The following LAMA2 variants were observed in gnomAD, a reference collection of about 807,000 sequenced individuals.
LAMA2 encodes the protein laminin subunit alpha 2, also known as laminin subunit alpha-2.
LAMA2 carries 269 observed loss-of-function variants against 364.8 expected under a neutral mutation model. The observed-to-expected ratio is 0.74, with a 90% CI of 0.67 to 0.82. LAMA2 has a LOEUF of 0.82. Among genes scored for constraint, LAMA2 ranks in the 40% least tolerant of loss-of-function variants. LAMA2 has a pLI of 0.00. For synonymous variants in LAMA2, 1,379 were observed against 1,370.6 expected (o/e 1.01, Z -0.14); for missense variants, 3,807 against 3,873.2 (o/e 0.98, Z 0.45).
At chr6:129,333,879 C>T (rs1174054221) in intron 29 of LAMA2, among the ~76,000 whole-genome samples, 2 of 152,178 alleles carry the variant, frequency 1.3e-5, no homozygotes, top group African/African-American at 4.8e-5. Context: ...CCTCTTTTGA[C>T]CAATTGACTA....
intron 1 of LAMA2, chr6:128,928,914 C>T (rs1199703035): frequency 1.3e-6 from 1 of 744,028 alleles, no homozygotes; most frequent in East Asian, 2.5e-5. Context: ...TTGGGCATTT[C>T]TTCCTAAGTG....
chr6:128,995,158 T>C (rs1783849079), intron 1 of LAMA2, among the ~76,000 whole-genome samples: 1 of 152,218 alleles, frequency 6.6e-6, no homozygotes, highest in Non-Finnish European at 1.5e-5. Flanking sequence ...ACTTATCATA[T>C]GATATTCAAC....
intron 51 of LAMA2, among the ~76,000 whole-genome samples, chr6:129,467,242 A>G (rs542162220): frequency 1.3e-5 from 2 of 152,040 alleles, no homozygotes; most frequent in South Asian, 4.1e-4. Context: ...CCTAAGTGAC[A>G]TAACCCAGAA....
chr6:129,475,384 A>G lies in LAMA2; in HGVS notation c.7440-6A>G, dbSNP rs1784019119. ...TGTTTTTTTTTTCCTCTTTCCCGTT[A>G]TCTAGTATGAAAGCAAGGTAAAATT... On this transcript the variant is annotated splice_region_variant and splice_polypyrimidine_tract_variant and intron_variant, in intron 52 of 64. Coordinates refer to ENST00000421865, the MANE Select transcript of LAMA2 (RefSeq NM_000426.4). 1 of 1,518,088 alleles carries G rather than the reference A, an allele frequency of 6.6e-7. No homozygotes were observed. Among genetic ancestry groups the G allele is most frequent in the Non-Finnish European group, 9.0e-7 (1 of 1,107,960 alleles). The allele number at this position is 1,518,088 out of a possible 1,614,324, so 94.0% of individuals were successfully genotyped here. A position where few individuals can be genotyped will look rare whatever the true frequency, so the allele number is the denominator to read the frequency against.
intron 29 of LAMA2, among the ~76,000 whole-genome samples, chr6:129,330,456 T>A (rs771614533): frequency 6.6e-6 from 1 of 152,022 alleles, no homozygotes; most frequent in Non-Finnish European, 1.5e-5. Flanking sequence ...TGTCTAATTG[T>A]CATTTTCCCT....
rs1562581021 is a variant in LAMA2 at position 129,456,328 on chromosome 6, C to T, written c.6708-7C>T. 1 of 1,612,970 alleles carries T rather than the reference C, an allele frequency of 6.2e-7. No individual in the cohort carries two copies. Among genetic ancestry groups the T allele is most frequent in the East Asian group, 2.2e-5 (1 of 44,836 alleles). On this transcript the variant is annotated splice_polypyrimidine_tract_variant and splice_region_variant and intron_variant, in intron 47 of 64. Transcript: ENST00000421865. The stretch of plus-strand genomic sequence containing the variant: ...CCTCCCCTTCACTTCAACACGTACC[C>T]TTGAAGAACTGGGAGAAATGGAACT...
intron 8 of LAMA2, among the ~76,000 whole-genome samples, chr6:129,161,769 T>C (rs960673907): frequency 7.2e-5 from 11 of 152,206 alleles, no homozygotes; most frequent in African/African-American, 2.7e-4. Flanking sequence ...TTTCTATTCT[T>C]GCATTAATTC....
intron 1 of LAMA2, among the ~76,000 whole-genome samples, chr6:128,976,421 T>A (rs1394332576): frequency 6.6e-6 from 1 of 152,086 alleles, no homozygotes; most frequent in East Asian, 1.9e-4. Context: ...AATTTTGGCA[T>A]AAAAATACTC....
chr6:129,268,724 C>T (rs1478729811), intron 16 of LAMA2, among the ~76,000 whole-genome samples: 1 of 152,034 alleles, frequency 6.6e-6, no homozygotes. Context: ...GATAGGAGGT[C>T]TCCTTCAAAT....
Position 129,369,956 on chromosome 6 carries a change from C to T in LAMA2, c.4925C>T (p.Thr1642Ile), listed in dbSNP as rs1777980430. 6.2e-7 allele frequency: 1 copy of T among 1,614,084 alleles called. No homozygotes were observed. Reference sequence around the variant, plus strand: ...CAGCTGGCAGAGGGCAATCTGAATACACTCGTGACCGAAATGAACGAGCTG... The same window carrying T: ...CAGCTGGCAGAGGGCAATCTGAATATACTCGTGACCGAAATGAACGAGCTG... ...LIQLAEGNLN[T>I]LVTEMNELLT... Residue 1642 changes from threonine to isoleucine, a missense_variant, in exon 34 of 65, where the codon ACA becomes ATA. Around this residue, in one of 3 missense-constraint regions of LAMA2, gnomAD observed 3,333 missense variants for 3,345.7 expected, o/e 1.00. Coordinates refer to ENST00000421865, the MANE Select transcript of LAMA2 (RefSeq NM_000426.4).
At chr6:129,484,256 T>C (rs2784904) in intron 55 of LAMA2, among the ~76,000 whole-genome samples, 53,112 of 152,042 alleles carry the variant, frequency 0.35, 10,432 homozygotes, top group African/African-American at 0.54. Context: ...ATACTGGTTG[T>C]TATAGTATTA....
chr6:129,209,587 A>G (rs1782945171), intron 12 of LAMA2, among the ~76,000 whole-genome samples: 1 of 152,222 alleles, frequency 6.6e-6, no homozygotes. Flanking sequence ...GAGATAAGCC[A>G]GGTTAAGGGG....
intron 12 of LAMA2, among the ~76,000 whole-genome samples, chr6:129,196,494 G>A (rs932868959): frequency 1.3e-5 from 2 of 152,154 alleles, no homozygotes; most frequent in African/African-American, 4.8e-5. Context: ...AGTTGGATTT[G>A]TGGGAGTTGA....
chr6:129,176,705 G>A (rs1780616668), intron 9 of LAMA2, among the ~76,000 whole-genome samples: 1 of 151,886 alleles, frequency 6.6e-6, no homozygotes, highest in African/African-American at 2.4e-5. Flanking sequence ...TTCTACTTTG[G>A]CCCTATTTAA....
At chr6:129,251,040 T>TTCTC (rs66896334) in intron 13 of LAMA2, among the ~76,000 whole-genome samples, 1,213 of 60,958 alleles carry the variant, frequency 0.02, 27 homozygotes, top group Middle Eastern at 0.026. Context: ...GTCTCTCTCT[T>TTCTC]TCTCTCTCTC....
rs945026655 is a variant in LAMA2, at chr6:128,952,834, G to A, written c.112+69477G>A. ...CACCTCTATTGATCTGTCCAGGGAA[G>A]TACAGAGGAGACCTGCCTTAGCCAT... On this transcript the variant is annotated intron_variant, in intron 1 of 64. Coordinates refer to ENST00000421865, the MANE Select transcript of LAMA2 (RefSeq NM_000426.4). 3.9e-5 allele frequency among the ~76,000 whole-genome samples: 6 copies of A among 152,120 alleles called. No individual in the cohort carries two copies. The East Asian group carries it at 7.7e-4, about 20-fold the overall frequency.
intron 34 of LAMA2, among the ~76,000 whole-genome samples, chr6:129,372,857 A>T (rs1778164504): frequency 2.0e-5 from 3 of 152,146 alleles, no homozygotes; most frequent in Admixed American, 2.0e-4. Flanking sequence ...TGTGTATGGT[A>T]TCTCATTCTT....
At chr6:129,150,702 T>A (rs1455695208) in intron 7 of LAMA2, among the ~76,000 whole-genome samples, 1 of 152,090 alleles carries the variant, frequency 6.6e-6, no homozygotes, top group Non-Finnish European at 1.5e-5. Flanking sequence ...ATTTCCAAAC[T>A]GAAAAACAAA....
intron 18 of LAMA2, among the ~76,000 whole-genome samples, chr6:129,286,121 T>C (rs1007874635): frequency 6.6e-6 from 1 of 152,138 alleles, no homozygotes; most frequent in Non-Finnish European, 1.5e-5. Context: ...GTAGAGAGCC[T>C]TTCTCTAAAT....
Sources: allele counts gnomAD v4.1 joint callset (sites outside exome capture counted in the v4.1 genomes callset), GRCh38; gene constraint gnomAD v4.1.1; regional missense constraint gnomAD v4.1.1; transcripts MANE v1.5; gene names NCBI Gene and HGNC (gene_info 2026-07-23, HGNC 2026-07-21).